IFT140: variants seen among roughly 807,000 people sequenced by gnomAD.
IFT140 encodes intraflagellar transport 140.
A neutral mutation model predicts 164.6 loss-of-function variants in IFT140; 133 were observed. The observed-to-expected ratio is 0.81, with a 90% confidence interval of 0.70 to 0.93. The LOEUF (loss-of-function observed/expected upper bound fraction) is 0.93. Ranked by LOEUF, IFT140 falls within the 40% of genes least tolerant of loss-of-function variation. IFT140 has a pLI of 0.00. For synonymous variants in IFT140, 860 were observed against 817.3 expected (o/e 1.05, Z -0.89); for missense variants, 2,045 against 1,972.3 (o/e 1.04, Z -0.70).
intron 4 of IFT140, among the ~76,000 whole-genome samples, chr16:1,600,801 A>G (rs1203705169): frequency 6.6e-6 from 1 of 152,154 alleles, no homozygotes; most frequent in African/African-American, 2.4e-5. Flanking sequence ...GTTTGAAATG[A>G]AAGTATTATG....
At chr16:1,557,554 C>A in intron 19 of IFT140, 1 of 195,108 alleles carries the variant, frequency 5.1e-6, no homozygotes. Flanking sequence ...GCAGACAGCC[C>A]TTGATTGATA....
chr16:1,544,787 T>G (rs1204055782), intron 19 of IFT140, among the ~76,000 whole-genome samples: 1 of 151,770 alleles, frequency 6.6e-6, no homozygotes, highest in Admixed American at 6.6e-5. Flanking sequence ...TAGCTGGGAC[T>G]ACAGGCACCC....
chr16:1,526,487 G>A (rs2040701059), intron 20 of IFT140, 132 bp downstream of exon 20: 6 of 1,016,810 alleles, frequency 5.9e-6, no homozygotes, highest in Non-Finnish European at 8.3e-6. Context: ...CAGCTCTCCT[G>A]GGTCATGCCT....
intron 16 of IFT140, among the ~76,000 whole-genome samples, chr16:1,565,446 A>G (rs915425531): frequency 6.6e-6 from 1 of 151,510 alleles, no homozygotes; most frequent in African/African-American, 2.4e-5. Context: ...TGGGAGAGGC[A>G]GGGGGAATCC....
intron 4 of IFT140, among the ~76,000 whole-genome samples, chr16:1,596,959 C>T (rs756944079): frequency 1.3e-5 from 2 of 152,146 alleles, no homozygotes; most frequent in African/African-American, 2.4e-5. Context: ...AAAGCTACCC[C>T]AAAGGTGAGA....
intron 27 of IFT140, 47 bp from the exon 28 acceptor site, chr16:1,520,390 GACAAGC>G (rs1399932642): frequency 6.3e-6 from 10 of 1,594,870 alleles, no homozygotes; most frequent in Non-Finnish European, 8.6e-6. Context: ...GCTGGGCCGG[GACAAGC>G]ACAAGGGACC....
At chr16:1,524,023 G>C in intron 24 of IFT140, 67 bp from the exon 25 acceptor site, 2 of 1,571,772 alleles carry the variant, frequency 1.3e-6, no homozygotes, top group Non-Finnish European at 1.7e-6. Context: ...TGAGATTCTG[G>C]AATGTGGCCG....
intron 19 of IFT140, 46 bp from the exon 20 acceptor site, chr16:1,526,842 G>A (rs1452995035): frequency 1.3e-6 from 2 of 1,554,232 alleles, no homozygotes; most frequent in Non-Finnish European, 1.7e-6. Flanking sequence ...AGCACCTCAG[G>A]GCCCCCTGGC....
At chr16:1,560,541 C>T (rs979466921) in intron 18 of IFT140, among the ~76,000 whole-genome samples, 1 of 152,204 alleles carries the variant, frequency 6.6e-6, no homozygotes, top group African/African-American at 2.4e-5. Flanking sequence ...AAGGTGAATG[C>T]CAGCTCAGGG....
At chr16:1,540,917 C>G (rs1212116260) in intron 19 of IFT140, 1 of 985,294 alleles carries the variant, frequency 1.0e-6, no homozygotes, top group African/African-American at 1.7e-5. Flanking sequence ...GAGTGTCTGT[C>G]AGCACACACA....
At chr16:1,568,914 G>C (rs189464244) in intron 14 of IFT140, among the ~76,000 whole-genome samples, 1 of 152,208 alleles carries the variant, frequency 6.6e-6, no homozygotes, top group Non-Finnish European at 1.5e-5. Flanking sequence ...GGGACACACT[G>C]AGCTATTTAA....
At chr16:1,525,804 AC>A (rs1346795343) in intron 21 of IFT140, 82 bp downstream of exon 21, 1 of 1,336,300 alleles carries the variant, frequency 7.5e-7, no homozygotes, top group African/African-American at 1.5e-5. Flanking sequence ...CTCCCTGGCC[AC>A]CTCACCACAG....
chr16:1,511,943 A>G (rs571870142), intron 30 of IFT140, among the ~76,000 whole-genome samples: 9 of 151,252 alleles, frequency 6.0e-5, no homozygotes, highest in Admixed American at 5.3e-4. Flanking sequence ...ACAGGGAGGG[A>G]GAGAGAGGAA....
rs73497595 is a variant in IFT140, at chr16:1,560,718, C to A, written c.2199+1267G>T. Among the ~76,000 whole-genome samples the A allele has an allele frequency of 4.0e-3, 612 of 152,318 alleles. 5 individuals carry two copies. The highest frequency in any genetic ancestry group is 0.014 in the African/African-American group (582 of 41,560). ...CCAGTTTAAATGCTCCCTCGACCCA[C>A]CTTGGGTTATAAAAGTAACACAGGC... On this transcript the variant is annotated intron_variant, in intron 18 of 30. Transcript: ENST00000426508.
intron 15 of IFT140, among the ~76,000 whole-genome samples, chr16:1,567,689 C>T (rs1269685845): frequency 6.6e-6 from 1 of 152,230 alleles, no homozygotes; most frequent in African/African-American, 2.4e-5. Flanking sequence ...AGGGAACCCG[C>T]ACCAGCGGAA....
intron 20 of IFT140, chr16:1,526,302 C>A: frequency 1.7e-6 from 1 of 591,542 alleles, no homozygotes. Flanking sequence ...TCCCACAGCC[C>A]CCCTCCCACA....
At chr16:1,552,682 T>C (rs2032758376) in intron 19 of IFT140, among the ~76,000 whole-genome samples, 1 of 144,806 alleles carries the variant, frequency 6.9e-6, no homozygotes, top group Non-Finnish European at 1.5e-5. Context: ...GGAGTCTCGC[T>C]CTGTCGCCAA....
At chr16:1,573,331 C>T (rs1260618850) in intron 13 of IFT140, among the ~76,000 whole-genome samples, 1 of 152,132 alleles carries the variant, frequency 6.6e-6, no homozygotes, top group African/African-American at 2.4e-5. Context: ...AGCTCACTCC[C>T]TGCCCTGCCC....
At chr16:1,569,430 C>T (rs9927511) in intron 14 of IFT140, among the ~76,000 whole-genome samples, 27,894 of 148,200 alleles carry the variant, frequency 0.19, 3,387 homozygotes, top group African/African-American at 0.33. Context: ...TTTCCTTCCT[C>T]CCTCCCTCCC....
Sources: gnomAD v4.1 joint callset for allele counts (sites outside exome capture counted in the v4.1 genomes callset) on GRCh38, gnomAD v4.1.1 for gene constraint, MANE v1.5 for transcripts, NCBI Gene and HGNC (gene_info 2026-07-23, HGNC 2026-07-21) for gene names.